The following PIGN variants were observed in gnomAD, a reference collection of about 807,000 sequenced individuals.
PIGN encodes GPI ethanolamine phosphate transferase 1.
PIGN carries 117 observed loss-of-function variants against 125.4 expected under a neutral mutation model. That is an observed-to-expected ratio of 0.93 (90% CI 0.80 to 1.09). The LOEUF (loss-of-function observed/expected upper bound fraction) is 1.09. Among genes scored for constraint, PIGN ranks in the 50% least tolerant of loss-of-function variants. PIGN has a pLI of 0.00. For missense variants in PIGN, 1,075 were observed against 1,094.9 expected (o/e 0.98, Z 0.26); for synonymous variants, 392 against 377.8 (o/e 1.04, Z -0.44).
At chr18:62,094,713 T>G (rs1422250101) in intron 23 of PIGN, among the ~76,000 whole-genome samples, 2 of 152,202 alleles carry the variant, frequency 1.3e-5, no homozygotes, top group African/African-American at 2.4e-5. Context: ...GGTCTAAATC[T>G]CAAAGGAAGC....
At chr18:62,155,526 G>A (rs2036697521) in intron 6 of PIGN, among the ~76,000 whole-genome samples, 1 of 152,046 alleles carries the variant, frequency 6.6e-6, no homozygotes. Flanking sequence ...CTGAGATCGT[G>A]CCACTGCACT....
intron 29 of PIGN, among the ~76,000 whole-genome samples, chr18:62,073,112 G>C (rs562912351): frequency 1.3e-5 from 2 of 151,964 alleles, no homozygotes; most frequent in Non-Finnish European, 2.9e-5. Context: ...AGGTGCTGGA[G>C]ATAAACTCCT....
intron 23 of PIGN, among the ~76,000 whole-genome samples, chr18:62,018,826 T>G (rs1464311918): frequency 6.6e-6 from 1 of 151,892 alleles, no homozygotes; most frequent in Non-Finnish European, 1.5e-5. Flanking sequence ...GGAGCTAACC[T>G]CACTTCCTCA....
chr18:62,118,005 A>G (rs2146687081), intron 14 of PIGN, among the ~76,000 whole-genome samples: 1 of 152,258 alleles, frequency 6.6e-6, no homozygotes, highest in African/African-American at 2.4e-5. Flanking sequence ...GATTGATTCC[A>G]TATTTTAGCT....
At chr18:62,175,067 AAT>A (rs1226295150) in intron 1 of PIGN, among the ~76,000 whole-genome samples, 4 of 101,270 alleles carry the variant, frequency 3.9e-5, no homozygotes, top group East Asian at 8.0e-4. Context: ...ATATATAATA[AAT>A]ATATATATTT....
chr18:62,100,617 T>C (rs1241962262), intron 22 of PIGN, among the ~76,000 whole-genome samples: 3 of 152,212 alleles, frequency 2.0e-5, no homozygotes, highest in African/African-American at 4.8e-5. Context: ...GAGGACTACA[T>C]AGAAAAATAT....
chr18:62,023,280 C>G (rs2030075590), intron 23 of PIGN, among the ~76,000 whole-genome samples: 1 of 152,216 alleles, frequency 6.6e-6, no homozygotes, highest in Admixed American at 6.5e-5. Context: ...TACTTTCTGT[C>G]TCTGTGGATC....
At chr18:62,106,052 A>G (rs1210044736) in intron 19 of PIGN, among the ~76,000 whole-genome samples, 2 of 152,212 alleles carry the variant, frequency 1.3e-5, no homozygotes, top group Non-Finnish European at 2.9e-5. Context: ...AGGTTAGACC[A>G]TATATTGATG....
At chr18:62,056,344 G>A (rs917843760) in intron 30 of PIGN, among the ~76,000 whole-genome samples, 3 of 151,788 alleles carry the variant, frequency 2.0e-5, no homozygotes, top group Admixed American at 6.6e-5. Context: ...CAACTGTTCT[G>A]GCTGGACTCA....
At chr18:62,040,287 C>T (rs972618733), downstream of PIGN, among the ~76,000 whole-genome samples, 13 of 147,248 alleles carry the variant, frequency 8.8e-5, no homozygotes, top group African/African-American at 2.5e-4. Context: ...GGTGCCGCAC[C>T]GCATGTTTAG....
chr18:62,132,274 G>C (rs759835493), intron 14 of PIGN, among the ~76,000 whole-genome samples: 4 of 152,200 alleles, frequency 2.6e-5, no homozygotes, highest in Non-Finnish European at 5.9e-5. Context: ...ATGGTACTCA[G>C]TAAATGGTGA....
chr18:62,048,331 T>C (rs1054677867), intron 30 of PIGN, among the ~76,000 whole-genome samples: 4 of 151,986 alleles, frequency 2.6e-5, no homozygotes, highest in African/African-American at 9.7e-5. Context: ...AAGACATAAA[T>C]CTTACAGAAG....
intron 14 of PIGN, among the ~76,000 whole-genome samples, chr18:62,116,683 T>C (rs903516542): frequency 2.0e-5 from 3 of 152,208 alleles, no homozygotes; most frequent in Admixed American, 1.3e-4. Flanking sequence ...CAAGATAATG[T>C]CTTATATTCC....
intron 23 of PIGN, among the ~76,000 whole-genome samples, chr18:62,027,327 T>A (rs891446219): frequency 4.6e-5 from 7 of 152,126 alleles, no homozygotes; most frequent in African/African-American, 1.7e-4. Flanking sequence ...ACTTAGAAAG[T>A]TTATTTTGTC....
intron 20 of PIGN, among the ~76,000 whole-genome samples, chr18:62,104,282 T>C (rs1418594295): frequency 3.3e-5 from 5 of 152,162 alleles, no homozygotes; most frequent in Non-Finnish European, 4.4e-5. Flanking sequence ...AATACGCAAG[T>C]GGCAAATTTA....
intron 14 of PIGN, among the ~76,000 whole-genome samples, chr18:62,120,375 T>C (rs1324816049): frequency 5.9e-5 from 9 of 152,018 alleles, no homozygotes; most frequent in East Asian, 1.9e-4. Flanking sequence ...AAATAATGAA[T>C]TTTCAAACAA....
intron 14 of PIGN, among the ~76,000 whole-genome samples, chr18:62,116,489 G>A (rs1208785324): frequency 6.6e-6 from 1 of 152,098 alleles, no homozygotes; most frequent in Admixed American, 6.5e-5. Context: ...CTGCATAATG[G>A]TGAAACTCTT....
At chr18:62,062,249 T>C (rs2032196334) in intron 30 of PIGN, among the ~76,000 whole-genome samples, 1 of 152,128 alleles carries the variant, frequency 6.6e-6, no homozygotes, top group East Asian at 1.9e-4. Flanking sequence ...TTAGATGACA[T>C]AATAAGAGAC....
At chr18:62,023,355 C>T (rs773271482) in intron 23 of PIGN, among the ~76,000 whole-genome samples, 2 of 152,206 alleles carry the variant, frequency 1.3e-5, no homozygotes, top group Non-Finnish European at 2.9e-5. Context: ...GCTTCTTTCA[C>T]TTAGCATAAT....
Sources: allele counts gnomAD v4.1 joint callset (sites outside exome capture counted in the v4.1 genomes callset), GRCh38; gene constraint gnomAD v4.1.1; transcripts MANE v1.5; gene names NCBI Gene and HGNC (gene_info 2026-07-23, HGNC 2026-07-21).